Variants in MAP3K4 observed in about 807,000 individuals in gnomAD.
MAP3K4 encodes MAP three kinase 1.
Under a neutral mutation model 185.6 loss-of-function variants are expected in MAP3K4, and 67 were observed. The observed-to-expected ratio is 0.36, with a 90% confidence interval of 0.30 to 0.44. MAP3K4 has a LOEUF of 0.44. Ranked by LOEUF, MAP3K4 falls within the 20% of genes least tolerant of loss-of-function variation. The pLI is 1.00. For synonymous variants in MAP3K4, 702 were observed against 710.4 expected (o/e 0.99, Z 0.19); for missense variants, 1,551 against 1,995.1 (o/e 0.78, Z 4.24).
chr6:161,110,629 A>G lies in MAP3K4; in HGVS notation c.4396+715A>G, dbSNP rs1043132398. Reference sequence around the variant, plus strand: ...AGTCTGAGGCTAACCTAAACACATTAACTTAGGAACCGACCTGACTTCTGA... The same window carrying G: ...AGTCTGAGGCTAACCTAAACACATTGACTTAGGAACCGACCTGACTTCTGA... On this transcript the variant is annotated intron_variant, in intron 23 of 26. Coordinates refer to ENST00000392142, the MANE Select transcript of MAP3K4 (RefSeq NM_005922.4). This position sits in a 1 kb window ranked among gnomAD's most constrained non-coding sequence, Gnocchi z 4.8. Among the ~76,000 whole-genome samples, 7 of 152,168 alleles carry G rather than the reference A, an allele frequency of 4.6e-5. No individual in the cohort carries two copies. The highest frequency in any genetic ancestry group is 1.7e-4 in the African/African-American group (7 of 41,430).
chr6:161,092,640 A>ATTTGCTG (rs147922793), intron 13 of MAP3K4, among the ~76,000 whole-genome samples: 4,512 of 152,286 alleles, frequency 0.03, 192 homozygotes, highest in Middle Eastern at 0.12. Context: ...TAGAGAAAAC[A>ATTTGCTG]CATTTGCTGC....
Position 161,071,191 on chromosome 6 carries a change from A to G in MAP3K4, c.1950+341A>G, listed in dbSNP as rs1784925189. On this transcript the variant is annotated intron_variant, in intron 4 of 26. Transcript: ENST00000392142. The surrounding 1 kb of genome is among the most constrained non-coding windows in gnomAD (Gnocchi z 4.6). ...TATTTTTTCTATTTGAAGTACATGTAAACAGATAAATGTCTAGAATAGGCA... is the reference window on the plus strand; with the variant it reads ...TATTTTTTCTATTTGAAGTACATGTGAACAGATAAATGTCTAGAATAGGCA... Among the ~76,000 whole-genome samples, 1 of 152,304 alleles carries G rather than the reference A, an allele frequency of 6.6e-6. No individual in the cohort carries two copies. Among genetic ancestry groups the G allele is most frequent in the African/African-American group, 2.4e-5 (1 of 41,562 alleles).
In MAP3K4 at chr6:161,080,777, C is replaced by T. The variant is rs566999596; in HGVS notation, c.2098-104C>T. The T allele has an allele frequency of 5.9e-5, 59 of 992,646 alleles. No homozygotes were observed. Among genetic ancestry groups the T allele is most frequent in the Admixed American group, 3.5e-4 (16 of 46,342 alleles). The allele number at this position is 992,646 out of a possible 1,614,324, so 61.5% of individuals were successfully genotyped here. A position where few individuals can be genotyped will look rare whatever the true frequency, so the allele number is the denominator to read the frequency against. On this transcript the variant is annotated intron_variant, in intron 5 of 26. Coordinates refer to ENST00000392142, the MANE Select transcript of MAP3K4 (RefSeq NM_005922.4). This position sits in a 1 kb window ranked among gnomAD's most constrained non-coding sequence, Gnocchi z 4.8. ...GGTGCTGCGTGCCTGTGACAGCCCC[C>T]GGCCCGCCCCCACTTTACCCTGCTG...
intron 1 of MAP3K4, among the ~76,000 whole-genome samples, chr6:160,993,493 A>G (rs1326563497): frequency 1.3e-5 from 2 of 152,228 alleles, no homozygotes; most frequent in Non-Finnish European, 2.9e-5. Context: ...ACAGATGAGG[A>G]AACTGAGGCA....
chr6:161,001,694 G>T (rs1475598642), intron 1 of MAP3K4, among the ~76,000 whole-genome samples: 1 of 152,210 alleles, frequency 6.6e-6, no homozygotes, highest in Non-Finnish European at 1.5e-5. Flanking sequence ...TTTGGTAGTA[G>T]ATAGGCTTTG....
chr6:161,056,553 C>A lies in MAP3K4; in HGVS notation c.1707+6574C>A, dbSNP rs896212004. ...AACTTACTTCTCTTATAGTGAGAAACCTGGCTACCATTACTACAATTAATT... is the reference window on the plus strand; with the variant it reads ...AACTTACTTCTCTTATAGTGAGAAAACTGGCTACCATTACTACAATTAATT... On this transcript the variant is annotated intron_variant, in intron 3 of 26. Coordinates refer to ENST00000392142, the MANE Select transcript of MAP3K4 (RefSeq NM_005922.4). The surrounding 1 kb of genome is among the most constrained non-coding windows in gnomAD (Gnocchi z 5.4). 6.6e-6 allele frequency among the ~76,000 whole-genome samples: 1 copy of A among 152,186 alleles called. No individual in the cohort carries two copies. The highest frequency in any genetic ancestry group is 1.5e-5 in the Non-Finnish European group (1 of 68,032).
rs1778504505 is a variant in MAP3K4, at chr6:161,114,449, A to T, written c.4627-674A>T. On this transcript the variant is annotated intron_variant, in intron 25 of 26. Transcript: ENST00000392142. The surrounding 1 kb of genome is among the most constrained non-coding windows in gnomAD (Gnocchi z 4.3). ...CAGCTGCTGAAACAGATCACATATAAGTGCTCAGTAAATATTAGCTAGCAT... is the reference window on the plus strand; with the variant it reads ...CAGCTGCTGAAACAGATCACATATATGTGCTCAGTAAATATTAGCTAGCAT... Among the ~76,000 whole-genome samples the T allele has an allele frequency of 6.6e-6, 1 of 152,228 alleles. No homozygotes were observed. Among genetic ancestry groups the T allele is most frequent in the Admixed American group, 6.5e-5 (1 of 15,282 alleles).
At chr6:161,035,577 A>C (rs989305897) in intron 2 of MAP3K4, among the ~76,000 whole-genome samples, 1 of 152,180 alleles carries the variant, frequency 6.6e-6, no homozygotes, top group Admixed American at 6.5e-5. Context: ...CACATAAGAT[A>C]CTTCTTATAA....
intron 1 of MAP3K4, among the ~76,000 whole-genome samples, chr6:161,024,371 A>G (rs191963138): frequency 6.6e-6 from 1 of 152,246 alleles, no homozygotes; most frequent in African/African-American, 2.4e-5. Flanking sequence ...ATATAACTTC[A>G]TATATTTGTC....
intron 7 of MAP3K4, among the ~76,000 whole-genome samples, chr6:161,085,411 C>A (rs372814418): frequency 9.9e-4 from 151 of 152,142 alleles, no homozygotes; most frequent in African/African-American, 3.4e-3. Context: ...GTATTTAGGT[C>A]GAAACTTTTG....
chr6:160,992,344 C>G (rs891202734), intron 1 of MAP3K4: 4 of 505,472 alleles, frequency 7.9e-6, no homozygotes, highest in African/African-American at 2.0e-5. Context: ...TGTAGACTCC[C>G]CCAGCTCACC....
intron 1 of MAP3K4, among the ~76,000 whole-genome samples, chr6:161,026,183 T>G (rs1197645935): frequency 2.0e-5 from 3 of 151,870 alleles, no homozygotes; most frequent in Non-Finnish European, 4.4e-5. Context: ...CAGGCTGGAG[T>G]GCAGTGGCGC....
At position 160,996,933 on chromosome 6, in the gene MAP3K4, C is replaced by T. The variant is rs1239154513; in HGVS notation, c.152+4850C>T. On this transcript the variant is annotated intron_variant, in intron 1 of 26. Coordinates refer to ENST00000392142, the MANE Select transcript of MAP3K4 (RefSeq NM_005922.4). This position sits in a 1 kb window ranked among gnomAD's most constrained non-coding sequence, Gnocchi z 4.5. ...GGTGGGCTTGCATCCCTAGCAGGTGCACCCCTGCTTCTGAATGAGAGGCAG... is the reference window on the plus strand; with the variant it reads ...GGTGGGCTTGCATCCCTAGCAGGTGTACCCCTGCTTCTGAATGAGAGGCAG... Among the ~76,000 whole-genome samples, 1 of 152,198 alleles carries T rather than the reference C, an allele frequency of 6.6e-6. No homozygotes were observed. Among genetic ancestry groups the T allele is most frequent in the East Asian group, 1.9e-4 (1 of 5,202 alleles).
In MAP3K4 at chr6:161,077,271, G is replaced by GAA. The variant is rs1319059148; in HGVS notation, c.2098-3604_2098-3603dup. ...ACTTTCTGGTACCTTATTTCTTATTGAAAAAAATATCTACATGTACCCCGG... is the reference window on the plus strand; with the variant it reads ...ACTTTCTGGTACCTTATTTCTTATTGAAAAAAAAATATCTACATGTACCCCGG... On this transcript the variant is annotated intron_variant, in intron 5 of 26. Transcript: ENST00000392142. This position sits in a 1 kb window ranked among gnomAD's most constrained non-coding sequence, Gnocchi z 4.3. Among the ~76,000 whole-genome samples the GAA allele has an allele frequency of 2.9e-4, 44 of 151,982 alleles. No individual in the cohort carries two copies. Among genetic ancestry groups the GAA allele is most frequent in the Admixed American group, 2.7e-3 (41 of 15,282 alleles).
chr6:161,095,897 CAT>C (rs113936707), intron 15 of MAP3K4, among the ~76,000 whole-genome samples: 46 of 152,276 alleles, frequency 3.0e-4, no homozygotes, highest in Admixed American at 9.8e-4. Context: ...TCATGCAAAA[CAT>C]GTGCACATGG....
rs370613797 is a variant in MAP3K4 at position 160,991,906 on chromosome 6, G to A, written c.-26G>A. ...GCCAGGCTGCAGCTTACTGCCCGCC[G>A]CGGCCATGCGGGGCTCCGTGCACGG... On this transcript the variant is annotated 5_prime_UTR_variant, in exon 1 of 27. Transcript: ENST00000392142. This position sits in a 1 kb window ranked among gnomAD's most constrained non-coding sequence, Gnocchi z 5.7. 661 of 1,495,008 alleles carry A rather than the reference G, an allele frequency of 4.4e-4. 3 individuals carry two copies. In the African/African-American group the frequency reaches 8.8e-3, roughly 20 times the overall value. 92.6% of individuals were successfully genotyped at this position (1,495,008 alleles called of 1,614,324 possible).
In MAP3K4 at chr6:161,061,449, T is replaced by C. The variant is rs2114792659; in HGVS notation, c.1708-9159T>C. ...TACTTTATTTCCAAAATAATAGCTTTATTGAGATATAATTCACTTAGCATA... is the reference window on the plus strand; with the variant it reads ...TACTTTATTTCCAAAATAATAGCTTCATTGAGATATAATTCACTTAGCATA... On this transcript the variant is annotated intron_variant, in intron 3 of 26. Coordinates refer to ENST00000392142, the MANE Select transcript of MAP3K4 (RefSeq NM_005922.4). The surrounding 1 kb of genome is among the most constrained non-coding windows in gnomAD (Gnocchi z 4.2). 6.6e-6 allele frequency among the ~76,000 whole-genome samples: 1 copy of C among 152,364 alleles called. No homozygotes were observed.
At chr6:161,072,450 TGTAA>T (rs1228988405) in intron 4 of MAP3K4, among the ~76,000 whole-genome samples, 5 of 152,326 alleles carry the variant, frequency 3.3e-5, no homozygotes, top group South Asian at 2.1e-4. Flanking sequence ...GTTTTTTCCC[TGTAA>T]GTATTTTTCA....
intron 5 of MAP3K4, among the ~76,000 whole-genome samples, chr6:161,078,661 G>C (rs185834862): frequency 6.6e-6 from 1 of 152,292 alleles, no homozygotes; most frequent in Admixed American, 6.5e-5. Context: ...ATCAAAAGTG[G>C]AGAAAGGGCC....
Sources: allele counts gnomAD v4.1 joint callset (sites outside exome capture counted in the v4.1 genomes callset), GRCh38; gene constraint gnomAD v4.1.1; non-coding constraint Gnocchi (gnomAD v3.1); transcripts MANE v1.5; gene names NCBI Gene and HGNC (gene_info 2026-07-23, HGNC 2026-07-21).